Variants in APBB1 observed in about 807,000 individuals in gnomAD.
The protein encoded by APBB1 is amyloid beta precursor protein binding family B member 1.
In APBB1, 22 loss-of-function variants were observed where a neutral mutation model predicts 78.4. That is an observed-to-expected ratio of 0.28 (90% CI 0.20 to 0.40). The LOEUF (loss-of-function observed/expected upper bound fraction) is 0.40, where lower values mean the gene tolerates loss of function less well. APBB1 is among the 10% of genes least tolerant of loss of function. The pLI is 1.00. For missense variants in APBB1, 749 were observed against 932.4 expected (o/e 0.80, Z 2.56); for synonymous variants, 369 against 372.7 (o/e 0.99, Z 0.12).
Position 6,410,186 on chromosome 11 carries a change from G to A in APBB1, c.721+441C>T, listed in dbSNP as rs145683484. 2.0e-3 allele frequency among the ~76,000 whole-genome samples: 308 copies of A among 152,162 alleles called. 1 individual carries two copies. The highest frequency in any genetic ancestry group is 3.5e-3 in the Non-Finnish European group (241 of 68,022). On this transcript the variant is annotated intron_variant, in intron 2 of 14. Transcript: ENST00000609360. ...GGGGCCAAGAGCTCAGGCCTGGACT[G>A]AGACCTGGTTTAGATTTCAGCTCTA...
chr11:6,419,331 A>C, upstream of APBB1: 2 of 232,646 alleles, frequency 8.6e-6, no homozygotes, highest in Non-Finnish European at 8.3e-6. Flanking sequence ...CTCCACTACT[A>C]TTCCACAGAC....
At position 6,405,026 on chromosome 11, in the gene APBB1, G is replaced by A; in HGVS notation, c.722-1204C>T. On this transcript the variant is annotated intron_variant, in intron 2 of 14. Coordinates refer to ENST00000609360, the MANE Select transcript of APBB1 (RefSeq NM_001164.5). ...TCCTTGGGGGGTGGGGAAGGGAGGA[G>A]AAAGGGAGGTTCATGAGACCCCAGC... 2.1e-6 allele frequency: 3 copies of A among 1,420,810 alleles called. No individual in the cohort carries two copies. The South Asian group carries it at 4.6e-5, about 22-fold the overall frequency. The allele number at this position is 1,420,810 out of a possible 1,614,324, so 88.0% of individuals were successfully genotyped here. A position where few individuals can be genotyped will look rare whatever the true frequency, so the allele number is the denominator to read the frequency against.
chr11:6,396,946 G>A (rs560594597), intron 12 of APBB1, among the ~76,000 whole-genome samples: 2 of 152,286 alleles, frequency 1.3e-5, no homozygotes, highest in African/African-American at 4.8e-5. Flanking sequence ...GTGCTCAAGA[G>A]CCAAGGAACC....
At position 6,401,618 on chromosome 11, in the gene APBB1, G is replaced by T. The variant is rs778976904; in HGVS notation, c.1459C>A (p.Pro487Thr). Residue 487 changes from proline to threonine, a missense_variant, in exon 10 of 15, where the codon CCT (proline) becomes ACT (threonine). Physicochemically the swap from Pro to Thr is conservative, Grantham distance 38. This residue lies in a region of APBB1 where 635 missense variants were observed against 765.0 expected (regional missense o/e 0.83). Coordinates refer to ENST00000609360, the MANE Select transcript of APBB1 (RefSeq NM_001164.5). This position sits in a 1 kb window ranked among gnomAD's most constrained non-coding sequence, Gnocchi z 4.5. ...AGGCTGGTGGCGATGTTCTTGGCAGGTGCCTCACAGCGAAACACGTGGCAC... is the reference window on the plus strand; with the variant it reads ...AGGCTGGTGGCGATGTTCTTGGCAGTTGCCTCACAGCGAAACACGTGGCAC... The part of the protein sequence containing the change: ...LKCHVFRCEA[P>T]AKNIATSLHE... 8 of 1,614,180 alleles carry T rather than the reference G, an allele frequency of 5.0e-6. No individual in the cohort carries two copies. Among genetic ancestry groups the T allele is most frequent in the Non-Finnish European group, 3.4e-6 (4 of 1,180,038 alleles).
chr11:6,404,885 C>T (rs1253577468), intron 2 of APBB1: 2 of 1,510,262 alleles, frequency 1.3e-6, no homozygotes, highest in Non-Finnish European at 1.8e-6. Context: ...TGGTGCTGGG[C>T]TGCAGAGAAA....
At chr11:6,406,825 C>A (rs1848819587) in intron 2 of APBB1, among the ~76,000 whole-genome samples, 1 of 152,162 alleles carries the variant, frequency 6.6e-6, no homozygotes, top group African/African-American at 2.4e-5. Flanking sequence ...GTCAGGGGCC[C>A]CTCCTGTACT....
intron 2 of APBB1, among the ~76,000 whole-genome samples, chr11:6,408,038 C>A (rs976947101): frequency 1.3e-5 from 2 of 152,146 alleles, no homozygotes; most frequent in East Asian, 3.8e-4. Context: ...CTCGGCCTCC[C>A]AAAGTGCTGG....
rs1214252737 is a variant in APBB1 at position 6,395,750 on chromosome 11, C to T, written c.1965+36G>A. The T allele has an allele frequency of 1.2e-6, 2 of 1,604,754 alleles. No individual in the cohort carries two copies. Among genetic ancestry groups the T allele is most frequent in the Admixed American group, 3.4e-5 (2 of 59,382 alleles). Reference sequence around the variant, plus strand: ...ACTCCCCAGCCTACCTCCCATGGGGCCACGCCACCACCACACCACCCTACT... The same window carrying T: ...ACTCCCCAGCCTACCTCCCATGGGGTCACGCCACCACCACACCACCCTACT... On this transcript the variant is annotated intron_variant, in intron 14 of 14. Transcript: ENST00000609360. The surrounding 1 kb of genome is among the most constrained non-coding windows in gnomAD (Gnocchi z 5.2).
intron 12 of APBB1, among the ~76,000 whole-genome samples, chr11:6,399,778 C>T (rs74053357): frequency 1.9e-3 from 282 of 152,334 alleles, no homozygotes; most frequent in African/African-American, 6.1e-3. Context: ...CCTGAGGTCC[C>T]TGACCTGGCA....
In APBB1 at chr11:6,395,966, C is replaced by T; in HGVS notation, c.1789-4G>A. On this transcript the variant is annotated splice_polypyrimidine_tract_variant and splice_region_variant and intron_variant, in intron 13 of 14. Transcript: ENST00000609360. The surrounding 1 kb of genome is among the most constrained non-coding windows in gnomAD (Gnocchi z 5.2). The stretch of plus-strand genomic sequence containing the variant: ...ACTCTCCCAGCACTGCCTCTGTCTG[C>T]ATGGAGGGAACTCAGTTAAAAAGGA... The T allele has an allele frequency of 6.2e-7, 1 of 1,613,178 alleles. No individual in the cohort carries two copies. Among genetic ancestry groups the T allele is most frequent in the Non-Finnish European group, 8.5e-7 (1 of 1,179,412 alleles).
At chr11:6,414,760 T>G (rs1166754029) in intron 1 of APBB1, among the ~76,000 whole-genome samples, 1 of 151,818 alleles carries the variant, frequency 6.6e-6, no homozygotes, top group Non-Finnish European at 1.5e-5. Context: ...TGTTCAAGAG[T>G]GGCATCTCCA....
rs147235391 is a variant in APBB1, at chr11:6,400,995, G to A, written c.1666C>T (p.Pro556Ser). 5.6e-6 allele frequency: 9 copies of A among 1,614,086 alleles called. No homozygotes were observed. Among genetic ancestry groups the A allele is most frequent in the African/African-American group, 1.3e-5 (1 of 75,032 alleles). Residue 556 changes from proline to serine, a missense_variant, in exon 12 of 15, where the codon CCT (proline) becomes TCT (serine). Physicochemically the swap from Pro to Ser is moderately conservative, Grantham distance 74. Transcript: ENST00000609360. ...YYLGNVPVAKPVGVDVINGAL... is the reference protein window; with the variant it reads ...YYLGNVPVAKSVGVDVINGAL... ...TATAGAAGGACACACATACCAACAG[G>A]TTTAGCAACAGGTACATTCCCCAGG...
At chr11:6,396,291 A>G (rs1848218493) in intron 12 of APBB1, 76 bp from the exon 13 acceptor site, 1 of 1,269,146 alleles carries the variant, frequency 7.9e-7, no homozygotes, top group African/African-American at 1.5e-5. Context: ...CTCTAGTTCC[A>G]CCCAATCAAA....
At position 6,403,806 on chromosome 11, in the gene APBB1, G is replaced by C. The variant is rs1848663888; in HGVS notation, c.738C>G (p.Pro246=). The C allele has an allele frequency of 6.4e-7, 1 of 1,552,846 alleles. No individual in the cohort carries two copies. The highest frequency in any genetic ancestry group is 8.7e-7 in the Non-Finnish European group (1 of 1,148,686). ...GGTCGGAATCCGTCTCGAAGGCGTT[G>C]GGGTTCCAGAAGGAATCTGCCAGGT... ...SPEDTDSFWN[P]NAFETDSDLP... Residue 246 remains proline (P), a synonymous_variant, in exon 3 of 15, where the codon CCC becomes CCG. Transcript: ENST00000609360. This position sits in a 1 kb window ranked among gnomAD's most constrained non-coding sequence, Gnocchi z 5.3.
At chr11:6,397,243 G>A (rs1848277981) in intron 12 of APBB1, among the ~76,000 whole-genome samples, 1 of 152,214 alleles carries the variant, frequency 6.6e-6, no homozygotes, top group South Asian at 2.1e-4. Context: ...GCTCCCACTA[G>A]GAGCAGACCA....
Position 6,403,667 on chromosome 11 carries a change from T to G in APBB1, c.877A>C (p.Ser293Arg), listed in dbSNP as rs769662843. ...CTCACCTGGGACTCCTCTTGGGGGCTGCTCCCCTGTGAGGGGGAGGCCCGG... is the reference window on the plus strand; with the variant it reads ...CTCACCTGGGACTCCTCTTGGGGGCGGCTCCCCTGTGAGGGGGAGGCCCGG... ...PGRASPSQGS[S>R]PQEESQLTWT... Residue 293 changes from serine (S) to arginine (R), a missense_variant, in exon 3 of 15, where the codon AGC (serine) becomes CGC (arginine). By Grantham distance (110) the Ser-to-Arg change is moderately radical (BLOSUM62 -1). Coordinates refer to ENST00000609360, the MANE Select transcript of APBB1 (RefSeq NM_001164.5). This position sits in a 1 kb window ranked among gnomAD's most constrained non-coding sequence, Gnocchi z 5.3. 3 of 1,608,380 alleles carry G rather than the reference T, an allele frequency of 1.9e-6. No individual in the cohort carries two copies. The highest frequency in any genetic ancestry group is 2.5e-6 in the Non-Finnish European group (3 of 1,176,700).
rs766269536 is a variant in APBB1, at chr11:6,418,045, G to C, written c.-15+940C>G. On this transcript the variant is annotated intron_variant, in intron 1 of 14. Transcript: ENST00000609360. ...ATATATGAAATTTGAAGCTTTGGGA[G>C]TAGATAAAATATCTGGGGAGAAAGA... Among the ~76,000 whole-genome samples, 23 of 152,172 alleles carry C rather than the reference G, an allele frequency of 1.5e-4. 1 individual carries two copies. Among genetic ancestry groups the C allele is most frequent in the Non-Finnish European group, 3.1e-4 (21 of 68,026 alleles).
chr11:6,401,516 A>G lies in APBB1; in HGVS notation c.1503+58T>C. 1.2e-6 allele frequency: 2 copies of G among 1,613,656 alleles called. No individual in the cohort carries two copies. The highest frequency in any genetic ancestry group is 1.7e-4 in the Middle Eastern group (1 of 6,060). On this transcript the variant is annotated intron_variant, in intron 10 of 14. Transcript: ENST00000609360. The surrounding 1 kb of genome is among the most constrained non-coding windows in gnomAD (Gnocchi z 4.5). The stretch of plus-strand genomic sequence containing the variant: ...CCCCCCTACAGCACTCAGTGACCCC[A>G]CCCACACCCTTGTAGAGCAAAGGTG...
At chr11:6,404,480 G>T in intron 2 of APBB1, 1 of 1,148,614 alleles carries the variant, frequency 8.7e-7, no homozygotes, top group Non-Finnish European at 1.2e-6. Flanking sequence ...ACACACAGGC[G>T]GACCCACACT....
Sources: gnomAD v4.1 joint callset for allele counts (sites outside exome capture counted in the v4.1 genomes callset) on GRCh38, gnomAD v4.1.1 for gene constraint, gnomAD v4.1.1 regional missense constraint, Gnocchi (gnomAD v3.1) non-coding constraint, MANE v1.5 for transcripts, NCBI Gene and HGNC (gene_info 2026-07-23, HGNC 2026-07-21) for gene names.